ZNF669: variants seen among roughly 807,000 people sequenced by gnomAD.
ZNF669 encodes the protein zinc finger protein 669.
A neutral mutation model predicts 11.4 loss-of-function variants in ZNF669; 7 were observed. The observed-to-expected ratio is 0.62, with a 90% CI of 0.35 to 1.16. The LOEUF (loss-of-function observed/expected upper bound fraction) is 1.16. Among genes scored for constraint, ZNF669 ranks in the 50% most tolerant of loss-of-function variants. The pLI is 0.02. For missense variants in ZNF669, 492 were observed against 463.6 expected (o/e 1.06, Z -0.56); for synonymous variants, 153 against 155.8 (o/e 0.98, Z 0.13).
In ZNF669 at chr1:247,100,378, G is replaced by C; in HGVS notation, c.1133C>G (p.Ala378Gly). The change falls in exon 4 of 4, where the codon GCT becomes GGT. Residue 378 changes from alanine to glycine, a missense_variant. Coordinates refer to ENST00000448299, the MANE Select transcript of ZNF669 (RefSeq NM_001142572.2). ...GCTGGTTATGAACTCCTGGGCTCAAGCAATCCACACGCCTTGGCCTCCCAA... is the reference window on the plus strand; with the variant it reads ...GCTGGTTATGAACTCCTGGGCTCAACCAATCCACACGCCTTGGCCTCCCAA... Reference protein sequence around the residue: ...STLGGQGVWIA With the variant: ...STLGGQGVWIG 6.4e-7 allele frequency: 1 copy of C among 1,574,404 alleles called. No homozygotes were observed. Among genetic ancestry groups the C allele is most frequent in the Non-Finnish European group, 8.7e-7 (1 of 1,150,806 alleles).
chr1:247,100,543 T>C lies in ZNF669; in HGVS notation c.968A>G (p.Glu323Gly). Residue 323 changes from glutamate (E) to glycine (G), a missense_variant, in exon 4 of 4, where the codon GAA (glutamate) becomes GGA (glycine). By Grantham distance (98) the Glu-to-Gly change is moderately conservative. Coordinates refer to ENST00000448299, the MANE Select transcript of ZNF669 (RefSeq NM_001142572.2). Reference sequence around the variant, plus strand: ...GGGTTTTTCTCCAGTATGAATTCTTTCGTGGAGGTGAAGGGAACTGAGGCG... The same window carrying C: ...GGGTTTTTCTCCAGTATGAATTCTTCCGTGGAGGTGAAGGGAACTGAGGCG... ...FSRLSSLHLH[E>G]RIHTGEKPYE... is the part of the protein sequence containing the mutation. 2 of 1,614,224 alleles carry C rather than the reference T, an allele frequency of 1.2e-6. No individual in the cohort carries two copies. The highest frequency in any genetic ancestry group is 2.2e-5 in the East Asian group (1 of 44,890).
rs560266054 is a variant in ZNF669, at chr1:247,104,299, G to A, written c.-100C>T. On this transcript the variant is annotated 5_prime_UTR_variant, in exon 1 of 4. Transcript: ENST00000448299. ...GCTGCAGAGCCACCTGGGCCTCCCA[G>A]AGCCAAGAACTAGCAGCGGAGACTA... The A allele has an allele frequency of 3.1e-5, 43 of 1,408,788 alleles. No individual in the cohort carries two copies. In the East Asian group the frequency reaches 1.0e-3, roughly 33 times the overall value. 87.3% of individuals were successfully genotyped at this position (1,408,788 alleles called of 1,614,324 possible).
rs1671708385 is a variant in ZNF669 at position 247,100,896 on chromosome 1, A to T, written c.615T>A (p.Gly205=). 2 of 1,614,028 alleles carry T rather than the reference A, an allele frequency of 1.2e-6. No individual in the cohort carries two copies. Among genetic ancestry groups the T allele is most frequent in the African/African-American group, 2.7e-5 (2 of 74,954 alleles). Residue 205 remains glycine (G), a synonymous_variant, in exon 4 of 4, where the codon GGT becomes GGA. Coordinates refer to ENST00000448299, the MANE Select transcript of ZNF669 (RefSeq NM_001142572.2). ...KQCGKAFTVS[G]SCLIHERTHT... ...GAGTTCGTTCATGTATTAGACAAGA[A>T]CCGGAAACAGTGAATGCTTTACCAC...
At position 247,100,508 on chromosome 1, in the gene ZNF669, TAC is replaced by T. The variant is rs778738923; in HGVS notation, c.1001_1002del (p.Cys334Ter). ...CGAGTGTAGGCTTTACCGCATTTCT[TAC>T]ATTCATAGGGTTTTTCTCCAGTATG... ...RIHTGEKPYE[C>X]KKCGKAYTRS... On this transcript the variant is annotated frameshift_variant, in exon 4 of 4. Transcript: ENST00000448299. LOFTEE classifies it low-confidence loss of function (END_TRUNC). 390 of 1,614,240 alleles carry T rather than the reference TAC, an allele frequency of 2.4e-4. No homozygotes were observed. Among genetic ancestry groups the T allele is most frequent in the Middle Eastern group, 5.0e-4 (3 of 6,058 alleles).
rs1024092033 is a variant in ZNF669, at chr1:247,104,278, C to G, written c.-79G>C. The G allele has an allele frequency of 6.9e-7, 1 of 1,449,142 alleles. No individual in the cohort carries two copies. Among genetic ancestry groups the G allele is most frequent in the Non-Finnish European group, 9.1e-7 (1 of 1,101,776 alleles). 89.8% of individuals were successfully genotyped at this position (1,449,142 alleles called of 1,614,324 possible). On this transcript the variant is annotated 5_prime_UTR_variant, in exon 1 of 4. Transcript: ENST00000448299. ...GGTCACAGGGTGGCAGAGGCTGCTG[C>G]AGAGCCACCTGGGCCTCCCAGAGCC...
At chr1:247,104,001 T>C (rs1558359685) in intron 1 of ZNF669, 196 bp downstream of exon 1, 2 of 1,601,702 alleles carry the variant, frequency 1.2e-6, no homozygotes, top group African/African-American at 1.3e-5. Context: ...CGCCCGCAGG[T>C]ACAGACAGGA....
chr1:247,103,459 C>A (rs551340933), intron 1 of ZNF669, among the ~76,000 whole-genome samples: 22 of 152,010 alleles, frequency 1.4e-4, no homozygotes, highest in East Asian at 3.9e-4. Flanking sequence ...CATGGCGAAA[C>A]CCTGTCTCTA....
rs772346005 is a variant in ZNF669 at position 247,104,120 on chromosome 1, GGAGGCCC to G, written c.3+70_3+76del. On this transcript the variant is annotated intron_variant, in intron 1 of 3. Transcript: ENST00000448299. ...CCGCAGGTTCCGGAGCCGATGGCGTGGAGGCCCGAGTCGCGCCACAGCAGGTTTCAAC... is the reference window on the plus strand; with the variant it reads ...CCGCAGGTTCCGGAGCCGATGGCGTGGAGTCGCGCCACAGCAGGTTTCAAC... 20 of 1,594,914 alleles carry G rather than the reference GGAGGCCC, an allele frequency of 1.3e-5. No homozygotes were observed. In the Admixed American group the frequency reaches 3.1e-4, roughly 25 times the overall value.
chr1:247,104,228 A>G lies in ZNF669; in HGVS notation c.-29T>C. The stretch of plus-strand genomic sequence containing the variant: ...TCGGCTTCCCGGGTGTCCTGGCGTC[A>G]GCTAGGGATGTCCCAATACTCGCAG... On this transcript the variant is annotated 5_prime_UTR_variant, in exon 1 of 4. Coordinates refer to ENST00000448299, the MANE Select transcript of ZNF669 (RefSeq NM_001142572.2). 1 of 1,507,102 alleles carries G rather than the reference A, an allele frequency of 6.6e-7. No individual in the cohort carries two copies. Among genetic ancestry groups the G allele is most frequent in the Non-Finnish European group, 8.9e-7 (1 of 1,129,584 alleles). 93.4% of individuals were successfully genotyped at this position (1,507,102 alleles called of 1,614,324 possible).
At position 247,100,868 on chromosome 1, in the gene ZNF669, T is replaced by C; in HGVS notation, c.643A>G (p.Thr215Ala). ...GSCLIHERTH[T>A]GEKPYECKEC... ...TTACATTCGTAGGGTTTCTCTCCAG[T>C]GTGAGTTCGTTCATGTATTAGACAA... Residue 215 changes from threonine (T) to alanine (A), a missense_variant, in exon 4 of 4, where the codon ACT becomes GCT. Physicochemically the swap from Thr to Ala is moderately conservative, Grantham distance 58. Transcript: ENST00000448299. 6.2e-7 allele frequency: 1 copy of C among 1,614,198 alleles called. No individual in the cohort carries two copies. The highest frequency in any genetic ancestry group is 8.5e-7 in the Non-Finnish European group (1 of 1,180,048).
chr1:247,100,803 C>A lies in ZNF669; in HGVS notation c.708G>T (p.Lys236Asn). Residue 236 changes from lysine to asparagine, a missense_variant, in exon 4 of 4, where the codon AAG (lysine) becomes AAT (asparagine). Transcript: ENST00000448299. Reference protein sequence around the residue: ...GKTFRFSCSFKTHERTHTGER... With the variant: ...GKTFRFSCSFNTHERTHTGER... Reference sequence around the variant, plus strand: ...CTCCAGTGTGAGTCCTTTCATGCGTCTTAAAAGAACAAGAAAATCTGAATG... The same window carrying A: ...CTCCAGTGTGAGTCCTTTCATGCGTATTAAAAGAACAAGAAAATCTGAATG... 6.2e-7 allele frequency: 1 copy of A among 1,613,760 alleles called. No individual in the cohort carries two copies. Among genetic ancestry groups the A allele is most frequent in the Non-Finnish European group, 8.5e-7 (1 of 1,179,858 alleles).
Position 247,100,036 on chromosome 1 carries a change from G to A in ZNF669, c.*338C>T. On this transcript the variant is annotated 3_prime_UTR_variant, in exon 4 of 4. Transcript: ENST00000448299. Reference sequence around the variant, plus strand: ...GTCTCACTCTGTCACCCAGGCTGAAGTGCAGTGGTGCGATCTCGGCTCACT... The same window carrying A: ...GTCTCACTCTGTCACCCAGGCTGAAATGCAGTGGTGCGATCTCGGCTCACT... 4.8e-6 allele frequency: 1 copy of A among 206,544 alleles called. No homozygotes were observed. The highest frequency in any genetic ancestry group is 9.8e-6 in the Non-Finnish European group (1 of 101,642). 12.8% of individuals were successfully genotyped at this position (206,544 alleles called of 1,614,324 possible).
At chr1:247,102,212 C>G in intron 1 of ZNF669, 99 bp from the exon 2 acceptor site, 1 of 1,406,854 alleles carries the variant, frequency 7.1e-7, no homozygotes, top group Non-Finnish European at 9.6e-7. Context: ...TTGATAATTT[C>G]CAAGCATTTA....
At position 247,100,397 on chromosome 1, in the gene ZNF669, C is replaced by A. The variant is rs1296883925; in HGVS notation, c.1114G>T (p.Gly372Cys). Reference protein sequence around the residue: ...DSAYNPSTLGGQGVWIA With the variant: ...DSAYNPSTLGCQGVWIA ...GCTCAAGCAATCCACACGCCTTGGC[C>A]TCCCAAAGTGCTGGGATTATAGGCT... Residue 372 changes from glycine to cysteine, a missense_variant, in exon 4 of 4, where the codon GGC becomes TGC. Transcript: ENST00000448299. 6 of 1,607,776 alleles carry A rather than the reference C, an allele frequency of 3.7e-6. No individual in the cohort carries two copies. The highest frequency in any genetic ancestry group is 4.3e-6 in the Non-Finnish European group (5 of 1,175,714).
chr1:247,101,592 C>G (rs558146851), intron 3 of ZNF669, 139 bp downstream of exon 3: 1 of 842,264 alleles, frequency 1.2e-6, no homozygotes, highest in Non-Finnish European at 1.8e-6. Flanking sequence ...CATTGAAGTA[C>G]GTTACATTTT....
chr1:247,103,420 G>A (rs562499880), intron 1 of ZNF669, among the ~76,000 whole-genome samples: 21 of 152,200 alleles, frequency 1.4e-4, no homozygotes, highest in African/African-American at 5.1e-4. Context: ...GATCACTTAA[G>A]GTCAGGAGTT....
rs762326760 is a variant in ZNF669 at position 247,104,343 on chromosome 1, G to A, written c.-144C>T. ...GAGACTAACAGGAAGAGCCGGCTCC[G>A]GCGAAGGAGAGACAAAGCAACCGCC... is the stretch of plus-strand genomic sequence containing the variant. On this transcript the variant is annotated 5_prime_UTR_variant, in exon 1 of 4. Coordinates refer to ENST00000448299, the MANE Select transcript of ZNF669 (RefSeq NM_001142572.2). The A allele has an allele frequency of 4.0e-4, 481 of 1,200,972 alleles. 1 individual carries two copies. Among genetic ancestry groups the A allele is most frequent in the Non-Finnish European group, 4.9e-4 (444 of 912,524 alleles). The allele number at this position is 1,200,972 out of a possible 1,614,324, so 74.4% of individuals were successfully genotyped here.
In ZNF669 at chr1:247,100,191, G is replaced by A. The variant is rs920871068; in HGVS notation, c.*183C>T. 7.4e-6 allele frequency: 4 copies of A among 543,346 alleles called. No homozygotes were observed. The highest frequency in any genetic ancestry group is 1.3e-5 in the Non-Finnish European group (4 of 309,266). 33.7% of individuals were successfully genotyped at this position (543,346 alleles called of 1,614,324 possible). A position where few individuals can be genotyped will look rare whatever the true frequency, so the allele number is the denominator to read the frequency against. ...AGTAGAGACGGGGTTTCACCGTGTT[G>A]GCCAGGATGGTCTCGATCTCCTGAC... is the stretch of plus-strand genomic sequence containing the variant. On this transcript the variant is annotated 3_prime_UTR_variant, in exon 4 of 4. Coordinates refer to ENST00000448299, the MANE Select transcript of ZNF669 (RefSeq NM_001142572.2).
At chr1:247,102,336 C>A (rs1182136938) in intron 1 of ZNF669, among the ~76,000 whole-genome samples, 3 of 152,168 alleles carry the variant, frequency 2.0e-5, no homozygotes, top group Admixed American at 2.0e-4. Context: ...GTGGAAATAC[C>A]CATCTCATTA....
Sources: allele counts gnomAD v4.1 joint callset (sites outside exome capture counted in the v4.1 genomes callset), GRCh38; gene constraint gnomAD v4.1.1; transcripts MANE v1.5; gene names NCBI Gene and HGNC (gene_info 2026-07-23, HGNC 2026-07-21).